Variants in ZNF366 observed in about 807,000 individuals in gnomAD.
ZNF366 encodes zinc finger protein 366, also known as dendritic cell-specific transcript protein.
ZNF366 carries 20 observed loss-of-function variants against 47.2 expected under a neutral mutation model. That is an observed-to-expected ratio of 0.42 (90% confidence interval 0.30 to 0.62). ZNF366 has a LOEUF of 0.62. ZNF366 is among the 20% of genes least tolerant of loss of function. ZNF366 has a pLI of 0.16. For missense variants in ZNF366, 987 were observed against 976.3 expected (o/e 1.01, Z -0.15); for synonymous variants, 421 against 395.1 (o/e 1.07, Z -0.78).
intron 2 of ZNF366, among the ~76,000 whole-genome samples, chr5:72,458,012 CTT>C (rs1228705988): frequency 8.2e-5 from 8 of 97,038 alleles, no homozygotes; most frequent in African/African-American, 2.8e-4. Context: ...TAGCATCTTT[CTT>C]TTTTTTTTTT....
intron 1 of ZNF366, among the ~76,000 whole-genome samples, chr5:72,489,162 G>A (rs965182638): frequency 3.3e-5 from 5 of 151,790 alleles, no homozygotes; most frequent in Non-Finnish European, 5.9e-5. Context: ...GATCACTTGA[G>A]CCCAGGAGCT....
rs567543673 is a variant in ZNF366 at position 72,454,596 on chromosome 5, T to C, written c.1524+1808A>G. On this transcript the variant is annotated intron_variant, in intron 3 of 4. Coordinates refer to ENST00000318442, the MANE Select transcript of ZNF366 (RefSeq NM_152625.3). Reference sequence around the variant, plus strand: ...TTGACAGATGTGAATTTTCAGGGGATTATAAACTATGTTAATGGCTCTCTT... The same window carrying C: ...TTGACAGATGTGAATTTTCAGGGGACTATAAACTATGTTAATGGCTCTCTT... Among the ~76,000 whole-genome samples, 4 of 152,314 alleles carry C rather than the reference T, an allele frequency of 2.6e-5. No homozygotes were observed. In the East Asian group the frequency reaches 7.7e-4, roughly 29 times the overall value.
rs1389269087 is a variant in ZNF366 at position 72,507,322 on chromosome 5, CCT to C, written c.-88_-87del. ...GATCCCTGCTCTCTCTGTCTCTCTCCCTCTCTCTCTCCCTCTTTCTCTTGTGT... is the reference window on the plus strand; with the variant it reads ...GATCCCTGCTCTCTCTGTCTCTCTCCCTCTCTCTCCCTCTTTCTCTTGTGT... On this transcript the variant is annotated 5_prime_UTR_variant, in exon 1 of 5. Coordinates refer to ENST00000318442, the MANE Select transcript of ZNF366 (RefSeq NM_152625.3). The C allele has an allele frequency of 3.1e-5, 31 of 985,166 alleles. No individual in the cohort carries two copies. Among genetic ancestry groups the C allele is most frequent in the Admixed American group, 6.2e-5 (1 of 16,234 alleles). The allele number at this position is 985,166 out of a possible 1,614,324, so 61.0% of individuals were successfully genotyped here.
intron 1 of ZNF366, among the ~76,000 whole-genome samples, chr5:72,492,449 C>A (rs185026809): frequency 6.6e-6 from 1 of 152,066 alleles, no homozygotes; most frequent in African/African-American, 2.4e-5. Flanking sequence ...GGCCCATGTG[C>A]GAAATACCTT....
rs752146376 is a variant in ZNF366 at position 72,461,146 on chromosome 5, C to A, written c.351G>T (p.Pro117=). The part of the protein sequence containing the change: ...HGLPNLPLLF[P]QPPRPKYDSQ... The stretch of plus-strand genomic sequence containing the variant: ...AGTCATACTTGGGGCGCGGGGGCTG[C>A]GGGAACAGCAAAGGGAGGTTGGGAA... Residue 117 remains proline (P), a synonymous_variant, in exon 2 of 5, where the codon CCG becomes CCT. Transcript: ENST00000318442. The A allele has an allele frequency of 6.2e-7, 1 of 1,614,086 alleles. No individual in the cohort carries two copies. Among genetic ancestry groups the A allele is most frequent in the South Asian group, 1.1e-5 (1 of 91,074 alleles).
chr5:72,457,379 C>T (rs1446068378), intron 2 of ZNF366, among the ~76,000 whole-genome samples: 1 of 152,170 alleles, frequency 6.6e-6, no homozygotes, highest in African/African-American at 2.4e-5. Context: ...TCCATTGCTT[C>T]CCCACAAAGG....
intron 4 of ZNF366, 70 bp downstream of exon 4, chr5:72,447,173 A>G: frequency 6.4e-7 from 1 of 1,570,134 alleles, no homozygotes; most frequent in Non-Finnish European, 8.7e-7. Flanking sequence ...GTAATGCCCC[A>G]TAAAACGAAT....
intron 1 of ZNF366, among the ~76,000 whole-genome samples, chr5:72,467,419 T>A (rs1197636570): frequency 1.3e-5 from 2 of 152,128 alleles, no homozygotes; most frequent in African/African-American, 4.8e-5. Flanking sequence ...ATGAGAGAAA[T>A]CCAAGGCCTG....
At chr5:72,496,053 G>T (rs1255579012) in intron 1 of ZNF366, among the ~76,000 whole-genome samples, 1 of 151,500 alleles carries the variant, frequency 6.6e-6, no homozygotes, top group South Asian at 2.1e-4. Flanking sequence ...AACTATACAG[G>T]TTGGAGATTG....
Position 72,461,316 on chromosome 5 carries a change from G to C in ZNF366, c.181C>G (p.Pro61Ala). ...PFSQFRYEPP[P>A]GDLDGFPGVF... The stretch of plus-strand genomic sequence containing the variant: ...CCGGGGAACCCATCTAGGTCTCCTG[G>C]GGGAGGTTCATACCGAAACTGGGAA... Residue 61 changes from proline (P) to alanine (A), a missense_variant, in exon 2 of 5, where the codon CCA becomes GCA. Physicochemically the swap from Pro to Ala is conservative, Grantham distance 27 (BLOSUM62 -1). Transcript: ENST00000318442. The C allele has an allele frequency of 6.2e-7, 1 of 1,614,054 alleles. No individual in the cohort carries two copies.
chr5:72,463,047 G>A (rs1743359478), intron 1 of ZNF366, among the ~76,000 whole-genome samples: 1 of 152,236 alleles, frequency 6.6e-6, no homozygotes, highest in Non-Finnish European at 1.5e-5. Context: ...TGGAGATAGG[G>A]CTGACATAGA....
intron 2 of ZNF366, among the ~76,000 whole-genome samples, chr5:72,458,813 T>A (rs377085369): frequency 6.6e-6 from 1 of 152,362 alleles, no homozygotes; most frequent in East Asian, 1.9e-4. Context: ...CACCTCTCAT[T>A]AAAGTGTATT....
chr5:72,444,113 G>C lies in ZNF366; in HGVS notation c.1878C>G (p.Tyr626Ter), dbSNP rs373642159. ...CHEEEEEDNC[Y>*]EVEPYSPGLA... Reference sequence around the variant, plus strand: ...GGCCAGGGCTGTAGGGCTCCACCTCGTAGCAGTTATCCTCCTCTTCCTCCT... The same window carrying C: ...GGCCAGGGCTGTAGGGCTCCACCTCCTAGCAGTTATCCTCCTCTTCCTCCT... Residue 626 changes from tyrosine to a stop codon, truncating the protein, a stop_gained, in exon 5 of 5, where the codon TAC becomes TAG. Coordinates refer to ENST00000318442, the MANE Select transcript of ZNF366 (RefSeq NM_152625.3). LOFTEE classifies it low-confidence loss of function (END_TRUNC). The C allele has an allele frequency of 6.2e-7, 1 of 1,614,018 alleles. No individual in the cohort carries two copies. The highest frequency in any genetic ancestry group is 1.1e-5 in the South Asian group (1 of 91,086).
intron 3 of ZNF366, among the ~76,000 whole-genome samples, chr5:72,449,227 C>A (rs1024095647): frequency 6.6e-6 from 1 of 151,116 alleles, no homozygotes; most frequent in Non-Finnish European, 1.5e-5. Flanking sequence ...TTGCCCACTT[C>A]TCCACCATCA....
chr5:72,450,219 G>A (rs965454450), intron 3 of ZNF366, among the ~76,000 whole-genome samples: 20 of 152,212 alleles, frequency 1.3e-4, no homozygotes, highest in African/African-American at 4.8e-4. Context: ...TACACCACAA[G>A]TAAGGTAACT....
Position 72,443,825 on chromosome 5 carries a change from G to A in ZNF366, c.2166C>T (p.His722=). ...GTAATTCTTTCAAACTCTCATCTCTGTGCTTGAAGTATAAGTAATCAGAAA... is the reference window on the plus strand; with the variant it reads ...GTAATTCTTTCAAACTCTCATCTCTATGCTTGAAGTATAAGTAATCAGAAA... ...PSFSDYLYFK[H]RDESLKELLE... Residue 722 remains histidine (H), a synonymous_variant, in exon 5 of 5, where the codon CAC becomes CAT. Coordinates refer to ENST00000318442, the MANE Select transcript of ZNF366 (RefSeq NM_152625.3). The A allele has an allele frequency of 6.2e-7, 1 of 1,614,166 alleles. No homozygotes were observed. Among genetic ancestry groups the A allele is most frequent in the Non-Finnish European group, 8.5e-7 (1 of 1,180,048 alleles).
At chr5:72,453,902 C>A (rs891836716) in intron 3 of ZNF366, among the ~76,000 whole-genome samples, 6 of 152,190 alleles carry the variant, frequency 3.9e-5, no homozygotes, top group African/African-American at 1.4e-4. Flanking sequence ...CTTTCACATC[C>A]AATTCTTTTT....
rs547487361 is a variant in ZNF366 at position 72,460,369 on chromosome 5, G to T, written c.1128C>A (p.Thr376=). The change falls in exon 2 of 5, where the codon ACC becomes ACA. Residue 376 remains threonine (T), a synonymous_variant. Transcript: ENST00000318442. ...ICVECGLDFP[T]LAQLKRHLTT... is the part of the protein sequence containing the mutation. ...TGAGGTGTCTCTTCAGCTGGGCCAA[G>T]GTGGGGAAGTCGAGGCCGCACTCCA... 3.1e-5 allele frequency: 50 copies of T among 1,614,246 alleles called. No homozygotes were observed. The South Asian group carries it at 5.4e-4, about 17-fold the overall frequency.
chr5:72,449,186 G>T (rs2112317278), intron 3 of ZNF366, among the ~76,000 whole-genome samples: 1 of 151,422 alleles, frequency 6.6e-6, no homozygotes, highest in Non-Finnish European at 1.5e-5. Context: ...ATGTATAAAA[G>T]TTCTATTAGA....
Sources: allele counts gnomAD v4.1 joint callset (sites outside exome capture counted in the v4.1 genomes callset), GRCh38; gene constraint gnomAD v4.1.1; transcripts MANE v1.5; gene names NCBI Gene and HGNC (gene_info 2026-07-23, HGNC 2026-07-21).